The following KDM4B variants were observed in gnomAD, a reference collection of about 807,000 sequenced individuals.
KDM4B encodes lysine demethylase 4B, also known as lysine-specific demethylase 4B.
KDM4B carries 32 observed loss-of-function variants against 125.2 expected under a neutral mutation model. The observed-to-expected ratio is 0.26, with a 90% CI of 0.19 to 0.34. KDM4B has a LOEUF of 0.34. KDM4B is among the 10% of genes least tolerant of loss of function. KDM4B has a pLI of 1.00. For synonymous variants in KDM4B, 721 were observed against 677.9 expected, an observed-to-expected ratio of 1.06 and a Z score of -0.99; for missense variants, 1,190 against 1,577.7, an observed-to-expected ratio of 0.75 and a Z score of 4.16.
intron 3 of KDM4B, among the ~76,000 whole-genome samples, chr19:5,036,895 C>T (rs1377416378): frequency 1.3e-5 from 2 of 152,232 alleles, no homozygotes; most frequent in Admixed American, 6.5e-5. Context: ...AAGTGGCCCT[C>T]GTTCACGCTG....
rs147455098 is a variant in KDM4B at position 5,129,476 on chromosome 19, C to T, written c.1316-1600C>T. Among the ~76,000 whole-genome samples, 47 of 152,318 alleles carry T rather than the reference C, an allele frequency of 3.1e-4. 1 individual carries two copies. Among genetic ancestry groups the T allele is most frequent in the African/African-American group, 7.9e-4 (33 of 41,566 alleles). On this transcript the variant is annotated intron_variant, in intron 11 of 22. Coordinates refer to ENST00000159111, the MANE Select transcript of KDM4B (RefSeq NM_015015.3). ...TTTATAGCAAGTGGTGAGATGTGGG[C>T]GCTGTGCTCCAAACCAGACCCCGTT...
intron 3 of KDM4B, among the ~76,000 whole-genome samples, chr19:5,033,879 C>T (rs937155011): frequency 6.6e-6 from 1 of 152,162 alleles, no homozygotes; most frequent in Non-Finnish European, 1.5e-5. Context: ...GCCTGTAATC[C>T]CAGCATTTTG....
chr19:5,098,641 C>G (rs961379296), intron 9 of KDM4B, among the ~76,000 whole-genome samples: 1 of 152,238 alleles, frequency 6.6e-6, no homozygotes, highest in African/African-American at 2.4e-5. Flanking sequence ...ATACCCCTCC[C>G]TAGGGTGATG....
At chr19:5,092,004 G>A (rs913177565) in intron 9 of KDM4B, among the ~76,000 whole-genome samples, 5 of 152,234 alleles carry the variant, frequency 3.3e-5, no homozygotes, top group African/African-American at 1.2e-4. Context: ...CCCTTCCCAT[G>A]TGTGGGCTTA....
intron 2 of KDM4B, among the ~76,000 whole-genome samples, chr19:5,026,228 C>T (rs535978500): frequency 1.3e-5 from 2 of 149,958 alleles, no homozygotes; most frequent in South Asian, 2.1e-4. Flanking sequence ...GCTTCCTCTG[C>T]GGTCCCCCAG....
intron 6 of KDM4B, among the ~76,000 whole-genome samples, chr19:5,065,609 G>A (rs1259665196): frequency 6.6e-6 from 1 of 152,200 alleles, no homozygotes; most frequent in African/African-American, 2.4e-5. Flanking sequence ...CATCCTCTGC[G>A]GTGGACAGAA....
intron 9 of KDM4B, among the ~76,000 whole-genome samples, chr19:5,102,745 C>T (rs1410316667): frequency 7.2e-5 from 11 of 152,284 alleles, no homozygotes; most frequent in East Asian, 3.9e-4. Context: ...GCACCCGCCC[C>T]GCCCATAGGA....
In KDM4B at chr19:5,025,670, A is replaced by T. The variant is rs566124783; in HGVS notation, c.-25-7196A>T. On this transcript the variant is annotated intron_variant, in intron 2 of 22. Transcript: ENST00000159111. The stretch of plus-strand genomic sequence containing the variant: ...TGCCGCCTCCTCTGCGCTCCCTGCC[A>T]TCCGGCCTCTGGGGCCTTAGCTCTT... 3.9e-5 allele frequency among the ~76,000 whole-genome samples: 6 copies of T among 152,164 alleles called. No homozygotes were observed. In the East Asian group the frequency reaches 9.7e-4, roughly 25 times the overall value.
chr19:5,029,279 C>T (rs1460265304), intron 2 of KDM4B, among the ~76,000 whole-genome samples: 3 of 152,146 alleles, frequency 2.0e-5, no homozygotes, highest in South Asian at 2.1e-4. Flanking sequence ...CTTGGCGTGG[C>T]GCCGTTGTGA....
In KDM4B at chr19:4,997,815, G is replaced by A. The variant is rs74395030; in HGVS notation, c.-108-18442G>A. Reference sequence around the variant, plus strand: ...CAAAGGCCGCAGGCCCCAGAAAGACGGTGACACTCCAGGAGGTTGCTAGAC... The same window carrying A: ...CAAAGGCCGCAGGCCCCAGAAAGACAGTGACACTCCAGGAGGTTGCTAGAC... On this transcript the variant is annotated intron_variant, in intron 1 of 22. Transcript: ENST00000159111. This position sits in a 1 kb window ranked among gnomAD's most constrained non-coding sequence, Gnocchi z 4.2. 0.014 allele frequency among the ~76,000 whole-genome samples: 2,159 copies of A among 152,344 alleles called. 55 individuals are homozygous for A. Among genetic ancestry groups the A allele is most frequent in the African/African-American group, 0.049 (2,054 of 41,560 alleles).
intron 21 of KDM4B, among the ~76,000 whole-genome samples, chr19:5,148,256 A>C (rs899562439): frequency 6.6e-6 from 1 of 152,220 alleles, no homozygotes; most frequent in African/African-American, 2.4e-5. Context: ...GTGGAGACTC[A>C]TAGTGAAAGC....
At chr19:5,144,990 G>A in intron 21 of KDM4B, 88 bp downstream of exon 21, 2 of 1,569,404 alleles carry the variant, frequency 1.3e-6, no homozygotes. Context: ...CCTGGCCCAG[G>A]TGCCTTTGCC....
chr19:5,088,780 C>A lies in KDM4B; in HGVS notation c.918+6276C>A, dbSNP rs552758023. Among the ~76,000 whole-genome samples the A allele has an allele frequency of 2.8e-4, 42 of 151,768 alleles. 1 individual carries two copies. The highest frequency in any genetic ancestry group is 8.4e-4 in the African/African-American group (35 of 41,426). ...GCCCCTGCCAGCTTCATCCGCACAT[C>A]CCTTGGGGCAGATACAGAAGGAAGA... On this transcript the variant is annotated intron_variant, in intron 9 of 22. Coordinates refer to ENST00000159111, the MANE Select transcript of KDM4B (RefSeq NM_015015.3).
chr19:5,084,511 T>A (rs1396581728), intron 9 of KDM4B, among the ~76,000 whole-genome samples: 1 of 85,790 alleles, frequency 1.2e-5, no homozygotes, highest in East Asian at 4.6e-4. Flanking sequence ...ATATTATATA[T>A]AAATATAAAT....
intron 1 of KDM4B, among the ~76,000 whole-genome samples, chr19:5,005,018 G>T (rs2145452200): frequency 6.6e-6 from 1 of 152,338 alleles, no homozygotes; most frequent in Middle Eastern, 3.4e-3. Context: ...AGAGGTACCT[G>T]TGTAGCGTCT....
At chr19:5,058,749 G>A (rs1005089080) in intron 6 of KDM4B, among the ~76,000 whole-genome samples, 1 of 152,188 alleles carries the variant, frequency 6.6e-6, no homozygotes, top group African/African-American at 2.4e-5. Flanking sequence ...TGTTCAAAGC[G>A]GGCGCTTCGG....
intron 6 of KDM4B, among the ~76,000 whole-genome samples, chr19:5,059,683 C>T (rs1374456955): frequency 6.6e-6 from 1 of 152,246 alleles, no homozygotes. Flanking sequence ...TAGGACGCTC[C>T]AGGCCATCTC....
intron 5 of KDM4B, among the ~76,000 whole-genome samples, chr19:5,041,964 C>T (rs541202694): frequency 1.3e-4 from 20 of 152,330 alleles, no homozygotes; most frequent in African/African-American, 3.8e-4. Flanking sequence ...CCGAGGGCGC[C>T]GGTTTATGAC....
rs200557691 is a variant in KDM4B at position 5,023,146 on chromosome 19, CAG to C, written c.-26+6814_-26+6815del. On this transcript the variant is annotated intron_variant, in intron 2 of 22. Transcript: ENST00000159111. ...TGAGAGGAGGCAGGAGGGTGAGAGT[CAG>C]AGAGAGGCTGGAAGAGGCTGTGCTG... is the stretch of plus-strand genomic sequence containing the variant. Among the ~76,000 whole-genome samples, 998 of 152,208 alleles carry C rather than the reference CAG, an allele frequency of 6.6e-3. 1 individual carries two copies. The highest frequency in any genetic ancestry group is 9.6e-3 in the Non-Finnish European group (650 of 68,016).
Sources: allele counts gnomAD v4.1 joint callset (sites outside exome capture counted in the v4.1 genomes callset), GRCh38; gene constraint gnomAD v4.1.1; non-coding constraint Gnocchi (gnomAD v3.1); transcripts MANE v1.5; gene names NCBI Gene and HGNC (gene_info 2026-07-23, HGNC 2026-07-21).